Variants in CCSER1 observed in about 807,000 individuals in gnomAD.
The protein encoded by CCSER1 is coiled-coil serine rich protein 1, also known as serine-rich coiled-coil domain-containing protein 1.
CCSER1 carries 41 observed loss-of-function variants against 82.0 expected under a neutral mutation model. That is an observed-to-expected ratio of 0.50 (90% CI 0.39 to 0.65). CCSER1 has a LOEUF of 0.65. Ranked by LOEUF, CCSER1 falls within the 30% of genes least tolerant of loss-of-function variation. The pLI, the probability that CCSER1 is intolerant of heterozygous loss-of-function variation, is 0.00. For missense variants in CCSER1, 1,119 were observed against 1,064.2 expected (o/e 1.05, Z -0.72); for synonymous variants, 414 against 383.9 (o/e 1.08, Z -0.92).
At chr4:91,346,128 A>G (rs747678227) in intron 10 of CCSER1, among the ~76,000 whole-genome samples, 13 of 150,428 alleles carry the variant, frequency 8.6e-5, no homozygotes, top group South Asian at 4.2e-4. Flanking sequence ...GGTTCAATCC[A>G]TTTTCCTGCC....
intron 10 of CCSER1, among the ~76,000 whole-genome samples, chr4:91,182,587 C>T (rs1734145240): frequency 1.3e-5 from 2 of 152,118 alleles, no homozygotes; most frequent in South Asian, 4.1e-4. Flanking sequence ...GTATGGGATA[C>T]CAGTAATGTG....
intron 6 of CCSER1, among the ~76,000 whole-genome samples, chr4:90,664,946 C>T (rs939414877): frequency 6.6e-6 from 1 of 152,114 alleles, no homozygotes. Flanking sequence ...AAATTTTTGG[C>T]GTAAAGTAGA....
intron 10 of CCSER1, among the ~76,000 whole-genome samples, chr4:91,473,071 G>A (rs559072877): frequency 1.1e-4 from 17 of 152,116 alleles, no homozygotes; most frequent in East Asian, 7.7e-4. Context: ...TGTGTGTTCC[G>A]CCAATGCCCA....
At chr4:90,199,061 C>G (rs1035661123) in intron 1 of CCSER1, among the ~76,000 whole-genome samples, 1 of 152,074 alleles carries the variant, frequency 6.6e-6, no homozygotes, top group Non-Finnish European at 1.5e-5. Flanking sequence ...CACAGAGACT[C>G]GAAGATTATC....
intron 9 of CCSER1, among the ~76,000 whole-genome samples, chr4:90,937,342 GTGCTTCAGGA>G (rs1731065202): frequency 6.6e-6 from 1 of 152,114 alleles, no homozygotes; most frequent in African/African-American, 2.4e-5. Flanking sequence ...ATCCTGCTGA[GTGCTTCAGGA>G]TTTCCTCATA....
chr4:90,801,947 C>T (rs909797511), intron 7 of CCSER1, among the ~76,000 whole-genome samples: 2 of 151,848 alleles, frequency 1.3e-5, no homozygotes, highest in African/African-American at 4.8e-5. Flanking sequence ...AGGCTGGGGG[C>T]GTTGTCTCAC....
chr4:90,224,897 A>G (rs1742845527), intron 1 of CCSER1, among the ~76,000 whole-genome samples: 1 of 152,042 alleles, frequency 6.6e-6, no homozygotes, highest in African/African-American at 2.4e-5. Context: ...AGAGACTTCT[A>G]GTTCCTGGCT....
chr4:90,964,731 CAAAAA>C (rs71596540), intron 9 of CCSER1, among the ~76,000 whole-genome samples: 1 of 77,618 alleles, frequency 1.3e-5, no homozygotes, highest in Admixed American at 1.6e-4. Flanking sequence ...ACTCTGTCTC[CAAAAA>C]AAAAAAAAAA....
intron 4 of CCSER1, among the ~76,000 whole-genome samples, chr4:90,431,057 G>A (rs1049554511): frequency 2.0e-5 from 3 of 151,962 alleles, no homozygotes; most frequent in Non-Finnish European, 4.4e-5. Flanking sequence ...TAAGGTGATT[G>A]AAAGATTCAT....
chr4:90,179,327 A>C (rs543842250), intron 1 of CCSER1, among the ~76,000 whole-genome samples: 9 of 152,334 alleles, frequency 5.9e-5, no homozygotes, highest in African/African-American at 2.2e-4. Flanking sequence ...AGGAATGGAG[A>C]GTTATCTAAC....
chr4:90,229,282 T>G (rs541085629), intron 1 of CCSER1, among the ~76,000 whole-genome samples: 9 of 152,136 alleles, frequency 5.9e-5, no homozygotes, highest in African/African-American at 1.9e-4. Flanking sequence ...TCAGCAGAAA[T>G]TCTACAAGCC....
intron 9 of CCSER1, among the ~76,000 whole-genome samples, chr4:91,067,506 T>G (rs957610893): frequency 5.3e-5 from 8 of 152,072 alleles, no homozygotes; most frequent in African/African-American, 1.9e-4. Flanking sequence ...CTACCACCCC[T>G]GGGTAATTTT....
At chr4:91,470,495 C>T (rs1051838212) in intron 10 of CCSER1, among the ~76,000 whole-genome samples, 1 of 151,458 alleles carries the variant, frequency 6.6e-6, no homozygotes, top group Non-Finnish European at 1.5e-5. Context: ...TTATACGTAG[C>T]AGACTGGGGA....
At chr4:90,647,895 G>A (rs1002875849) in intron 6 of CCSER1, among the ~76,000 whole-genome samples, 1 of 152,054 alleles carries the variant, frequency 6.6e-6, no homozygotes, top group South Asian at 2.1e-4. Flanking sequence ...TGGCTTATAC[G>A]TTATGTGAAA....
chr4:91,503,736 G>A (rs1279487227), intron 10 of CCSER1, among the ~76,000 whole-genome samples: 1 of 152,082 alleles, frequency 6.6e-6, no homozygotes, highest in Non-Finnish European at 1.5e-5. Flanking sequence ...TTTTAATAAA[G>A]TTTACAATTT....
chr4:90,865,529 A>G (rs531510307), intron 8 of CCSER1, among the ~76,000 whole-genome samples: 53 of 152,044 alleles, frequency 3.5e-4, no homozygotes, highest in African/African-American at 1.3e-3. Context: ...TTGGTTTCCT[A>G]TTGATTATGG....
chr4:90,480,405 G>A (rs191211435), intron 5 of CCSER1, among the ~76,000 whole-genome samples: 1 of 152,156 alleles, frequency 6.6e-6, no homozygotes, highest in East Asian at 1.9e-4. Flanking sequence ...GTCACTTTTG[G>A]CTTTTGTTTC....
chr4:90,588,791 AT>A (rs1782330579), intron 5 of CCSER1, among the ~76,000 whole-genome samples: 1 of 151,966 alleles, frequency 6.6e-6, no homozygotes, highest in South Asian at 2.1e-4. Flanking sequence ...CTTGGCTCTC[AT>A]TTCTGTCTTG....
At chr4:90,179,332 T>C (rs1733290539) in intron 1 of CCSER1, among the ~76,000 whole-genome samples, 1 of 152,198 alleles carries the variant, frequency 6.6e-6, no homozygotes, top group Non-Finnish European at 1.5e-5. Context: ...TGGAGAGTTA[T>C]CTAACTGCAT....
Sources: allele counts gnomAD v4.1 joint callset (sites outside exome capture counted in the v4.1 genomes callset), GRCh38; gene constraint gnomAD v4.1.1; transcripts MANE v1.5; gene names NCBI Gene and HGNC (gene_info 2026-07-23, HGNC 2026-07-21).